OLFM3: variants seen among roughly 807,000 people sequenced by gnomAD.
OLFM3 encodes the protein noelin-3.
In OLFM3, 20 loss-of-function variants were observed where a neutral mutation model predicts 48.6. That is an observed-to-expected ratio of 0.41 (90% CI 0.29 to 0.60). OLFM3 has a LOEUF of 0.60. OLFM3 is among the 20% of genes least tolerant of loss of function. The pLI is 0.28. For missense variants in OLFM3, 437 were observed against 544.3 expected (o/e 0.80, Z 1.96); for synonymous variants, 222 against 198.1 (o/e 1.12, Z -1.01).
At chr1:101,972,326 T>A (rs1191612014) in intron 1 of OLFM3, among the ~76,000 whole-genome samples, 3 of 152,240 alleles carry the variant, frequency 2.0e-5, no homozygotes, top group East Asian at 1.9e-4. Flanking sequence ...CATAATGCTG[T>A]CAGTTCTGCT....
chr1:101,990,698 C>T (rs1376985336), intron 1 of OLFM3, among the ~76,000 whole-genome samples: 1 of 151,726 alleles, frequency 6.6e-6, no homozygotes, highest in African/African-American at 2.4e-5. Flanking sequence ...AAATATAGTT[C>T]ATGGTGGCCG....
intron 1 of OLFM3, among the ~76,000 whole-genome samples, chr1:101,862,012 A>G (rs1261127096): frequency 6.6e-6 from 1 of 152,222 alleles, no homozygotes; most frequent in Non-Finnish European, 1.5e-5. Flanking sequence ...AGGCATACTT[A>G]AATAAAGAAG....
Position 101,850,817 on chromosome 1 carries a change from A to T in OLFM3, c.70-13792T>A, listed in dbSNP as rs1656193961. 2.0e-5 allele frequency among the ~76,000 whole-genome samples: 3 copies of T among 152,140 alleles called. No individual in the cohort carries two copies. In the South Asian group the frequency reaches 6.2e-4, roughly 32 times the overall value. ...ACTTTATTTTTATTATTTAAAACAA[A>T]ATTTAAATTTGTAAATGGCTTCAGG... On this transcript the variant is annotated intron_variant, in intron 1 of 5. Coordinates refer to ENST00000370103, the MANE Select transcript of OLFM3 (RefSeq NM_058170.4).
intron 1 of OLFM3, among the ~76,000 whole-genome samples, chr1:101,913,623 A>T (rs1197839399): frequency 6.6e-6 from 1 of 151,918 alleles, no homozygotes; most frequent in Non-Finnish European, 1.5e-5. Flanking sequence ...TGTCAGAATG[A>T]TCATTTAGTA....
chr1:101,806,109 C>T lies in OLFM3; in HGVS notation c.666G>A (p.Met222Ile). ...TTTTCTCAGATGCTAAAGGGTCTGT[C>T]ATCCAAGCACCAAATCGGGTTCCAG... ...KTSGTRFGAWMTDPLASEKNN... is the reference protein window; with the variant it reads ...KTSGTRFGAWITDPLASEKNN... Residue 222 changes from methionine to isoleucine, a missense_variant, in exon 5 of 6, where the codon ATG (methionine) becomes ATA (isoleucine). Coordinates refer to ENST00000370103, the MANE Select transcript of OLFM3 (RefSeq NM_058170.4). 6.2e-7 allele frequency: 1 copy of T among 1,612,054 alleles called. No homozygotes were observed. The highest frequency in any genetic ancestry group is 8.5e-7 in the Non-Finnish European group (1 of 1,178,690).
chr1:101,916,931 A>G (rs1658947482), intron 1 of OLFM3, among the ~76,000 whole-genome samples: 1 of 152,182 alleles, frequency 6.6e-6, no homozygotes, highest in Admixed American at 6.5e-5. Flanking sequence ...GATATTTAAT[A>G]TATTTTAGGC....
chr1:101,836,912 G>A lies in OLFM3; in HGVS notation c.183C>T (p.Ala61=). 5 of 1,614,070 alleles carry A rather than the reference G, an allele frequency of 3.1e-6. No homozygotes were observed. The South Asian group carries it at 5.5e-5, about 18-fold the overall frequency. ...GTAGTTGGCGAAGTTGCCTGCTTTT[G>A]GCATCCCGGGAACACAGGTTTTGTT... is the stretch of plus-strand genomic sequence containing the variant. ...APEQNLCSRD[A]KSRQLRQLLE... is the part of the protein sequence containing the mutation. Residue 61 remains alanine, a synonymous_variant, in exon 2 of 6, where the codon GCC becomes GCT. Coordinates refer to ENST00000370103, the MANE Select transcript of OLFM3 (RefSeq NM_058170.4).
intron 1 of OLFM3, chr1:101,909,990 T>C: frequency 5.1e-6 from 5 of 985,218 alleles, no homozygotes; most frequent in Non-Finnish European, 6.0e-6. Context: ...CCAGAACACA[T>C]CTCATCTTGC....
At chr1:101,927,363 T>C (rs1390019297) in intron 1 of OLFM3, among the ~76,000 whole-genome samples, 2 of 152,088 alleles carry the variant, frequency 1.3e-5, no homozygotes, top group Non-Finnish European at 2.9e-5. Flanking sequence ...AATAATCCAT[T>C]CAAACATTTC....
intron 1 of OLFM3, among the ~76,000 whole-genome samples, chr1:101,984,247 CAAA>C (rs11313941): frequency 8.9e-5 from 8 of 89,620 alleles, no homozygotes; most frequent in Middle Eastern, 5.4e-3. Context: ...GACTCTGTCT[CAAA>C]AAAAAAAAAA....
chr1:101,969,998 G>T (rs886113581), intron 1 of OLFM3, among the ~76,000 whole-genome samples: 2 of 151,940 alleles, frequency 1.3e-5, no homozygotes, highest in African/African-American at 4.8e-5. Context: ...CAGGCTACAG[G>T]TTGCCATTTT....
chr1:101,967,590 G>GAAAAAAAAAAAAAAAAAAAAAAAAAA lies in OLFM3; in HGVS notation c.69+29157_69+29158insTTTTTTTTTTTTTTTTTTTTTTTTTT, dbSNP rs71592233. Among the ~76,000 whole-genome samples, 11 of 44,584 alleles carry GAAAAAAAAAAAAAAAAAAAAAAAAAA rather than the reference G, an allele frequency of 2.5e-4. 1 individual carries two copies. The highest frequency in any genetic ancestry group is 7.6e-4 in the African/African-American group (7 of 9,242). 29.2% of individuals were successfully genotyped at this position (44,584 alleles called of 152,430 possible). ...CCTTTTTACTTCCATCCTAGTCAGT[G>GAAAAAAAAAAAAAAAAAAAAAAAAAA]AAAAAAAAAAAAAAAAAAAAAAAAG... On this transcript the variant is annotated intron_variant, in intron 1 of 5. Coordinates refer to ENST00000370103, the MANE Select transcript of OLFM3 (RefSeq NM_058170.4).
chr1:101,843,002 G>A (rs1655803278), intron 1 of OLFM3, among the ~76,000 whole-genome samples: 2 of 152,146 alleles, frequency 1.3e-5, no homozygotes, highest in South Asian at 4.1e-4. Flanking sequence ...GTTTAGGGAA[G>A]GAAAACAGAA....
At chr1:101,984,055 C>T (rs372983010) in intron 1 of OLFM3, among the ~76,000 whole-genome samples, 2 of 152,026 alleles carry the variant, frequency 1.3e-5, no homozygotes, top group East Asian at 1.9e-4. Context: ...TTGAGGCCAG[C>T]CTGGGCAACA....
chr1:101,923,021 C>CA (rs1330133649), intron 1 of OLFM3, among the ~76,000 whole-genome samples: 2 of 152,168 alleles, frequency 1.3e-5, no homozygotes, highest in Non-Finnish European at 2.9e-5. Flanking sequence ...CTCAAACAAG[C>CA]AAAGTCATAG....
intron 1 of OLFM3, among the ~76,000 whole-genome samples, chr1:101,889,508 G>A (rs1657905094): frequency 6.6e-6 from 1 of 152,030 alleles, no homozygotes; most frequent in South Asian, 2.1e-4. Context: ...GTTGTGGAGT[G>A]GGTCAAGGGG....
At chr1:101,966,105 T>C (rs952968899) in intron 1 of OLFM3, among the ~76,000 whole-genome samples, 2 of 152,220 alleles carry the variant, frequency 1.3e-5, no homozygotes, top group African/African-American at 4.8e-5. Flanking sequence ...CCCATGGTAC[T>C]GTAACATTTC....
At chr1:101,833,740 G>GA (rs1284467178) in intron 2 of OLFM3, among the ~76,000 whole-genome samples, 4 of 151,344 alleles carry the variant, frequency 2.6e-5, no homozygotes, top group Non-Finnish European at 4.4e-5. Flanking sequence ...GTGGTCACTT[G>GA]AAAAAAAAGG....
intron 1 of OLFM3, among the ~76,000 whole-genome samples, chr1:101,967,648 A>G (rs1277900698): frequency 4.0e-5 from 6 of 151,452 alleles, no homozygotes; most frequent in African/African-American, 1.5e-4. Flanking sequence ...ATGAACACCA[A>G]TCATTTTAAG....
Sources: gnomAD v4.1 joint callset for allele counts (sites outside exome capture counted in the v4.1 genomes callset) on GRCh38, gnomAD v4.1.1 for gene constraint, MANE v1.5 for transcripts, NCBI Gene and HGNC (gene_info 2026-07-23, HGNC 2026-07-21) for gene names.